Variants in EPHA6 observed in about 807,000 individuals in gnomAD.
EPHA6 encodes ephrin type-A receptor 6.
A neutral mutation model predicts 112.0 loss-of-function variants in EPHA6; 50 were observed. The observed-to-expected ratio is 0.45, with a 90% CI of 0.36 to 0.56. EPHA6 has a LOEUF of 0.56. Ranked by LOEUF, EPHA6 falls within the 20% of genes least tolerant of loss-of-function variation. The pLI, the probability that EPHA6 is intolerant of heterozygous loss-of-function variation, is 0.00. For synonymous variants in EPHA6, 529 were observed against 490.7 expected (o/e 1.08, Z -1.03); for missense variants, 1,280 against 1,417.4 (o/e 0.90, Z 1.56).
chr3:97,354,648 C>T (rs910621808), intron 5 of EPHA6, among the ~76,000 whole-genome samples: 3 of 151,972 alleles, frequency 2.0e-5, no homozygotes, highest in Non-Finnish European at 4.4e-5. Flanking sequence ...AATTATTGGC[C>T]TTAAAGAGGC....
At position 97,405,331 on chromosome 3, in the gene EPHA6, T is replaced by C. The variant is rs143060808; in HGVS notation, c.1731+57T>C. On this transcript the variant is annotated intron_variant, in intron 6 of 17. Transcript: ENST00000389672. Reference sequence around the variant, plus strand: ...ACATATATATGCATATATATGTATATATTGAGCATGTCGTTATACTATATT... The same window carrying C: ...ACATATATATGCATATATATGTATACATTGAGCATGTCGTTATACTATATT... 6 of 1,444,390 alleles carry C rather than the reference T, an allele frequency of 4.2e-6. No individual in the cohort carries two copies. The African/African-American group carries it at 5.7e-5, about 14-fold the overall frequency. 89.5% of individuals were successfully genotyped at this position (1,444,390 alleles called of 1,614,324 possible).
At chr3:97,433,846 G>A (rs573374850) in intron 6 of EPHA6, among the ~76,000 whole-genome samples, 109 of 152,186 alleles carry the variant, frequency 7.2e-4, no homozygotes, top group Middle Eastern at 3.4e-3. Flanking sequence ...GAAGAGGCAC[G>A]TTGCCCCATG....
chr3:97,271,976 T>G (rs2108642600), intron 5 of EPHA6, among the ~76,000 whole-genome samples: 1 of 152,340 alleles, frequency 6.6e-6, no homozygotes, highest in Admixed American at 6.5e-5. Flanking sequence ...AAATTTACAG[T>G]ATACAGTATT....
At chr3:96,906,900 T>A (rs959059649) in intron 2 of EPHA6, among the ~76,000 whole-genome samples, 1 of 151,904 alleles carries the variant, frequency 6.6e-6, no homozygotes, top group Admixed American at 6.6e-5. Flanking sequence ...GCTTATTGGG[T>A]TTAGGTTTGT....
chr3:97,279,381 GA>G (rs932786576), intron 5 of EPHA6, among the ~76,000 whole-genome samples: 3 of 151,760 alleles, frequency 2.0e-5, no homozygotes, highest in Admixed American at 2.0e-4. Context: ...TTTATAAGAA[GA>G]AAATATCTCT....
intron 2 of EPHA6, among the ~76,000 whole-genome samples, chr3:96,889,245 T>C (rs1360813995): frequency 2.0e-5 from 3 of 152,148 alleles, no homozygotes; most frequent in Non-Finnish European, 4.4e-5. Context: ...TCCAAACTGT[T>C]CCAACCTGTG....
At chr3:97,634,146 G>A (rs943180173) in intron 13 of EPHA6, among the ~76,000 whole-genome samples, 1 of 152,008 alleles carries the variant, frequency 6.6e-6, no homozygotes, top group Non-Finnish European at 1.5e-5. Context: ...CCACTCACTA[G>A]GTTATTAGAT....
At chr3:97,585,045 A>C (rs1435111498) in intron 11 of EPHA6, among the ~76,000 whole-genome samples, 1 of 152,224 alleles carries the variant, frequency 6.6e-6, no homozygotes, top group Admixed American at 6.5e-5. Flanking sequence ...TATTCAGGAC[A>C]CTTTTTCAGT....
intron 3 of EPHA6, among the ~76,000 whole-genome samples, chr3:97,174,369 G>A (rs1180836239): frequency 6.6e-6 from 1 of 151,764 alleles, no homozygotes; most frequent in East Asian, 1.9e-4. Flanking sequence ...TAGGAGTGCA[G>A]GTATCTCTTT....
At chr3:97,190,663 T>C (rs190253851) in intron 3 of EPHA6, among the ~76,000 whole-genome samples, 2 of 152,192 alleles carry the variant, frequency 1.3e-5, no homozygotes. Context: ...ATGTATAGAT[T>C]GTGGAATGAC....
At position 97,245,558 on chromosome 3, in the gene EPHA6, G is replaced by A. The variant is rs375339085; in HGVS notation, c.1606+1271G>A. Among the ~76,000 whole-genome samples, 10 of 152,004 alleles carry A rather than the reference G, an allele frequency of 6.6e-5. 1 individual carries two copies. In the South Asian group the frequency reaches 2.1e-3, roughly 31 times the overall value. The stretch of plus-strand genomic sequence containing the variant: ...AAATACATTGATTTGAATGTGTTGT[G>A]ATAATACTCAGCAATAAAAATGAAC... On this transcript the variant is annotated intron_variant, in intron 5 of 17. Coordinates refer to ENST00000389672, the MANE Select transcript of EPHA6 (RefSeq NM_001080448.3).
intron 11 of EPHA6, among the ~76,000 whole-genome samples, chr3:97,575,795 G>A (rs2093378205): frequency 6.6e-6 from 1 of 152,106 alleles, no homozygotes; most frequent in African/African-American, 2.4e-5. Flanking sequence ...AAATTAAATT[G>A]GAGACAGGGA....
intron 3 of EPHA6, among the ~76,000 whole-genome samples, chr3:97,179,621 G>T (rs973883574): frequency 6.6e-6 from 1 of 151,770 alleles, no homozygotes; most frequent in South Asian, 2.1e-4. Flanking sequence ...ACTTTTAGAG[G>T]TACTGCCTTG....
chr3:97,239,399 C>G (rs2078777266), intron 4 of EPHA6, among the ~76,000 whole-genome samples: 1 of 151,870 alleles, frequency 6.6e-6, no homozygotes, highest in African/African-American at 2.4e-5. Flanking sequence ...CCACTCCCCA[C>G]TTGCTGTTGC....
At chr3:97,500,961 T>C (rs543543311) in intron 10 of EPHA6, among the ~76,000 whole-genome samples, 7 of 152,302 alleles carry the variant, frequency 4.6e-5, no homozygotes, top group Admixed American at 3.9e-4. Flanking sequence ...TAAAGTACTA[T>C]GCCCAAGCTC....
At chr3:97,006,537 T>C (rs926912713) in intron 3 of EPHA6, among the ~76,000 whole-genome samples, 1 of 152,030 alleles carries the variant, frequency 6.6e-6, no homozygotes, top group South Asian at 2.1e-4. Flanking sequence ...ATTTTTTTTT[T>C]AATTTTTTCA....
intron 7 of EPHA6, among the ~76,000 whole-genome samples, chr3:97,455,379 T>C (rs1005969934): frequency 6.6e-6 from 1 of 152,078 alleles, no homozygotes; most frequent in Non-Finnish European, 1.5e-5. Context: ...TGAAGTATAG[T>C]AACTTAACAG....
intron 11 of EPHA6, among the ~76,000 whole-genome samples, chr3:97,588,015 T>G (rs185179933): frequency 7.2e-5 from 11 of 152,294 alleles, no homozygotes; most frequent in African/African-American, 2.6e-4. Context: ...ATAAAAATGT[T>G]TGAGCAAGTT....
intron 11 of EPHA6, among the ~76,000 whole-genome samples, chr3:97,567,975 G>T (rs568036353): frequency 1.3e-5 from 2 of 152,186 alleles, no homozygotes; most frequent in South Asian, 2.1e-4. Context: ...TATAAGGGTG[G>T]TCCCTTGTTG....
Sources: gnomAD v4.1 joint callset for allele counts (sites outside exome capture counted in the v4.1 genomes callset) on GRCh38, gnomAD v4.1.1 for gene constraint, MANE v1.5 for transcripts, NCBI Gene and HGNC (gene_info 2026-07-23, HGNC 2026-07-21) for gene names.